RBBP9: variants seen among roughly 807,000 people sequenced by gnomAD.
RBBP9 encodes RB binding protein 9, serine hydrolase, also known as serine hydrolase RBBP9.
Under a neutral mutation model 24.2 loss-of-function variants are expected in RBBP9, and 20 were observed. That is an observed-to-expected ratio of 0.83 (90% confidence interval 0.58 to 1.20). The LOEUF (loss-of-function observed/expected upper bound fraction) is 1.20. Among genes scored for constraint, RBBP9 ranks in the 50% most tolerant of loss-of-function variants. The pLI is 0.00. For synonymous variants in RBBP9, 74 were observed against 84.6 expected (o/e 0.87, Z 0.69); for missense variants, 234 against 233.6 (o/e 1.00, Z -0.01).
Position 18,493,931 on chromosome 20 carries a change from G to A in RBBP9, c.248+27C>T, listed in dbSNP as rs1489541581. The A allele has an allele frequency of 2.0e-6, 3 of 1,538,456 alleles. No homozygotes were observed. The Admixed American group carries it at 5.9e-5, about 30-fold the overall frequency. On this transcript the variant is annotated intron_variant, in intron 3 of 4. Transcript: ENST00000337227. ...GCAAGCATGACTGGAGCCCACAAAG[G>A]GGATAGCAGTTTAACAAAGATCGCA...
intron 3 of RBBP9, among the ~76,000 whole-genome samples, chr20:18,492,630 C>T (rs980866033): frequency 1.3e-5 from 2 of 152,132 alleles, no homozygotes; most frequent in Admixed American, 6.5e-5. Context: ...TGGAAAGGCA[C>T]GATTTCCCTT....
chr20:18,490,668 T>G (rs1176903273), intron 3 of RBBP9, among the ~76,000 whole-genome samples, 188 bp from the exon 4 acceptor site: 4 of 151,910 alleles, frequency 2.6e-5, no homozygotes, highest in Non-Finnish European at 5.9e-5. Context: ...CTGGATGAGC[T>G]TCTACTCATT....
chr20:18,491,125 C>T (rs1233576228), intron 3 of RBBP9, among the ~76,000 whole-genome samples: 1 of 152,228 alleles, frequency 6.6e-6, no homozygotes, highest in Non-Finnish European at 1.5e-5. Context: ...GTCTCTGATT[C>T]AGAAAGTTGG....
At chr20:18,493,057 C>A (rs1420439608) in intron 3 of RBBP9, among the ~76,000 whole-genome samples, 1 of 152,148 alleles carries the variant, frequency 6.6e-6, no homozygotes, top group Middle Eastern at 3.2e-3. Flanking sequence ...CATGTGACAG[C>A]CTAAGTGACT....
intron 2 of RBBP9, among the ~76,000 whole-genome samples, chr20:18,495,398 T>C (rs2059882379): frequency 6.7e-6 from 1 of 148,912 alleles, no homozygotes; most frequent in African/African-American, 2.5e-5. Context: ...AGCATGCTCG[T>C]TAAGAGTCAT....
In RBBP9 at chr20:18,489,924, C is replaced by T; in HGVS notation, c.401G>A (p.Gly134Asp). ...KANCPYIVQF[G>D]STDDPFLPWK... ...GGGAAGGAACGGGTCGTCAGTAGAG[C>T]CAAACTGCACAATGTAAGGGCAGTT... Residue 134 changes from glycine (G) to aspartate (D), a missense_variant, in exon 5 of 5, where the codon GGC (glycine) becomes GAC (aspartate). Physicochemically the swap from Gly to Asp is moderately conservative, Grantham distance 94. Transcript: ENST00000337227. 2 of 1,613,894 alleles carry T rather than the reference C, an allele frequency of 1.2e-6. No individual in the cohort carries two copies. The highest frequency in any genetic ancestry group is 8.5e-7 in the Non-Finnish European group (1 of 1,179,876).
At chr20:18,497,023 C>G (rs1172440242) in intron 1 of RBBP9, 46 bp downstream of exon 1, 4 of 1,519,982 alleles carry the variant, frequency 2.6e-6, no homozygotes, top group Non-Finnish European at 9.1e-7. Context: ...TCCCGCCGTC[C>G]CTCCCTCCAG....
intron 3 of RBBP9, 138 bp from the exon 4 acceptor site, chr20:18,490,618 T>G: frequency 1.7e-6 from 1 of 574,972 alleles, no homozygotes; most frequent in South Asian, 2.1e-5. Context: ...ATGTGAAAAA[T>G]GGCAAGGAAA....
rs2059850103 is a variant in RBBP9 at position 18,487,984 on chromosome 20, C to G, written c.*1780G>C. On this transcript the variant is annotated 3_prime_UTR_variant, in exon 5 of 5. Transcript: ENST00000337227. ...TAATAAGGACGTCCACCACACTTTA[C>G]CTACCAAAATGCCCATTCCCCAAAG... is the stretch of plus-strand genomic sequence containing the variant. 6.6e-6 allele frequency: 1 copy of G among 152,134 alleles called. No individual in the cohort carries two copies. The allele number at this position is 152,134 out of a possible 1,614,324, so 9.4% of individuals were successfully genotyped here.
chr20:18,492,179 C>T (rs1788309291), intron 3 of RBBP9, among the ~76,000 whole-genome samples: 1 of 151,670 alleles, frequency 6.6e-6, no homozygotes, highest in Non-Finnish European at 1.5e-5. Flanking sequence ...GCATGTATCT[C>T]CTGAGAAAGC....
intron 1 of RBBP9, 138 bp downstream of exon 1, chr20:18,496,931 G>A (rs1407432885): frequency 1.5e-6 from 1 of 679,144 alleles, no homozygotes; most frequent in East Asian, 2.8e-5. Context: ...TTAAGAGAAG[G>A]CAGCGGGGGA....
rs770465013 is a variant in RBBP9, at chr20:18,494,084, A to C, written c.143-21T>G. The C allele has an allele frequency of 4.4e-6, 7 of 1,597,070 alleles. No homozygotes were observed. In the East Asian group the frequency reaches 1.6e-4, roughly 36 times the overall value. ...TGTAACTTAAGGTTCAGGGTAAAGA[A>C]AAAGTCTGTCATTTGATAGTGGCAG... On this transcript the variant is annotated intron_variant, in intron 2 of 4. Coordinates refer to ENST00000337227, the MANE Select transcript of RBBP9 (RefSeq NM_006606.3).
chr20:18,495,188 C>T (rs6111993), intron 2 of RBBP9, among the ~76,000 whole-genome samples: 96,244 of 141,840 alleles, frequency 0.68, 33,699 homozygotes, highest in Non-Finnish European at 0.79. Flanking sequence ...GGATGGTTGC[C>T]GTGTCTGTGT....
intron 4 of RBBP9, 110 bp from the exon 5 acceptor site, chr20:18,490,100 G>A (rs556155493): frequency 8.1e-6 from 6 of 743,670 alleles, no homozygotes; most frequent in African/African-American, 3.6e-5. Context: ...CAGAGCCTCC[G>A]TGTGAGTTAG....
At chr20:18,490,156 T>G (rs1015512642) in intron 4 of RBBP9, among the ~76,000 whole-genome samples, 166 bp from the exon 5 acceptor site, 13 of 152,196 alleles carry the variant, frequency 8.5e-5, no homozygotes, top group Non-Finnish European at 1.8e-4. Context: ...ATACCACAGT[T>G]ACTCGTGAAG....
Position 18,490,431 on chromosome 20 carries a change from T to A in RBBP9, c.298A>T (p.Thr100Ser). The change falls in exon 4 of 5, where the codon ACA (threonine) becomes TCA (serine). Residue 100 changes from threonine (T) to serine (S), a missense_variant. By Grantham distance (58) the Thr-to-Ser change is moderately conservative. Coordinates refer to ENST00000337227, the MANE Select transcript of RBBP9 (RefSeq NM_006606.3). ...VYAIVLVSAY[T>S]SDLGDENERA... Reference sequence around the variant, plus strand: ...TCATTTTCATCCCCCAAGTCTGATGTGTACGCAGACACTAATACAATAGCA... The same window carrying A: ...TCATTTTCATCCCCCAAGTCTGATGAGTACGCAGACACTAATACAATAGCA... 6.2e-7 allele frequency: 1 copy of A among 1,613,994 alleles called. No homozygotes were observed. The highest frequency in any genetic ancestry group is 8.5e-7 in the Non-Finnish European group (1 of 1,179,866).
chr20:18,489,035 C>CA lies in RBBP9; in HGVS notation c.*728dup, dbSNP rs1289421879. 1 of 151,788 alleles carries CA rather than the reference C, an allele frequency of 6.6e-6. No individual in the cohort carries two copies. Among genetic ancestry groups the CA allele is most frequent in the Admixed American group, 6.6e-5 (1 of 15,234 alleles). The allele number at this position is 151,788 out of a possible 1,614,324, so 9.4% of individuals were successfully genotyped here. On this transcript the variant is annotated 3_prime_UTR_variant, in exon 5 of 5. Coordinates refer to ENST00000337227, the MANE Select transcript of RBBP9 (RefSeq NM_006606.3). ...TACAATTTGGAGATTTTTTTCCACA[C>CA]AAAAAATCAGAAAATTGGCAACACT...
chr20:18,497,153 G>T lies in RBBP9; in HGVS notation c.15C>A (p.Ser5Arg), dbSNP rs778645091. The change falls in exon 1 of 5, where the codon AGC becomes AGA. Residue 5 changes from serine to arginine, a missense_variant. Coordinates refer to ENST00000337227, the MANE Select transcript of RBBP9 (RefSeq NM_006606.3). ...CGTTCCCGGGAACAATCACTGCCTT[G>T]CTAGGAGAAGCCATGAGTGCAGCGA... MASP[S>R]KAVIVPGNGG... 12 of 1,613,990 alleles carry T rather than the reference G, an allele frequency of 7.4e-6. No individual in the cohort carries two copies. The highest frequency in any genetic ancestry group is 9.3e-6 in the Non-Finnish European group (11 of 1,179,864).
intron 3 of RBBP9, among the ~76,000 whole-genome samples, 195 bp from the exon 4 acceptor site, chr20:18,490,675 C>T (rs571034419): frequency 2.4e-4 from 36 of 151,458 alleles, no homozygotes; most frequent in African/African-American, 6.3e-4. Context: ...AGCTTCTACT[C>T]ATTTTTCTTT....
Sources: allele counts gnomAD v4.1 joint callset (sites outside exome capture counted in the v4.1 genomes callset), GRCh38; gene constraint gnomAD v4.1.1; transcripts MANE v1.5; gene names NCBI Gene and HGNC (gene_info 2026-07-23, HGNC 2026-07-21).